The following SLC25A13 variants were observed in gnomAD, a reference collection of about 807,000 sequenced individuals.
SLC25A13 encodes the protein electrogenic aspartate/glutamate antiporter SLC25A13, mitochondrial.
In SLC25A13, 70 loss-of-function variants were observed where a neutral mutation model predicts 85.5. That is an observed-to-expected ratio of 0.82 (90% CI 0.68 to 1.00). SLC25A13 has a LOEUF of 1.00. SLC25A13 is among the 50% of genes least tolerant of loss of function. SLC25A13 has a pLI of 0.00. For missense variants in SLC25A13, 765 were observed against 819.8 expected, an observed-to-expected ratio of 0.93 and a Z score of 0.82; for synonymous variants, 259 against 288.7, an observed-to-expected ratio of 0.90 and a Z score of 1.04.
Position 96,184,348 on chromosome 7 carries a change from A to C in SLC25A13, c.1106T>G (p.Leu369Arg). The change falls in exon 11 of 18, where the codon CTC becomes CGC. Residue 369 changes from leucine (L) to arginine (R), a missense_variant. Coordinates refer to ENST00000265631, the MANE Select transcript of SLC25A13 (RefSeq NM_014251.3). ...ACAGTCAAAGCTGTTTTTATACATG[A>C]GTTCTCCCACAAAAGAGCCAGTTGA... is the stretch of plus-strand genomic sequence containing the variant. The part of the protein sequence containing the change: ...QRSTGSFVGE[L>R]MYKNSFDCFK... 6.2e-7 allele frequency: 1 copy of C among 1,614,176 alleles called. No individual in the cohort carries two copies. Among genetic ancestry groups the C allele is most frequent in the Non-Finnish European group, 8.5e-7 (1 of 1,180,026 alleles).
chr7:96,150,618 C>T (rs1227880769), intron 13 of SLC25A13, among the ~76,000 whole-genome samples: 1 of 151,916 alleles, frequency 6.6e-6, no homozygotes, highest in African/African-American at 2.4e-5. Flanking sequence ...GACGTAATCC[C>T]ATCCAACTGG....
At chr7:96,254,026 T>C (rs1373213322) in intron 3 of SLC25A13, among the ~76,000 whole-genome samples, 1 of 152,192 alleles carries the variant, frequency 6.6e-6, no homozygotes, top group Non-Finnish European at 1.5e-5. Context: ...TGTATGTGTG[T>C]GTGCGCATGT....
At chr7:96,184,716 T>G (rs970793771) in intron 10 of SLC25A13, 1 of 635,550 alleles carries the variant, frequency 1.6e-6, no homozygotes, top group East Asian at 2.7e-5. Flanking sequence ...GATCTGTAGA[T>G]AGAGGAAAAT....
intron 5 of SLC25A13, among the ~76,000 whole-genome samples, chr7:96,208,157 TA>T (rs1385754885): frequency 6.6e-6 from 1 of 152,132 alleles, no homozygotes; most frequent in Non-Finnish European, 1.5e-5. Flanking sequence ...GAAAACAAAA[TA>T]TTGGTAAGTA....
At chr7:96,145,999 T>C (rs193045690) in intron 14 of SLC25A13, among the ~76,000 whole-genome samples, 317 of 152,320 alleles carry the variant, frequency 2.1e-3, no homozygotes, top group Middle Eastern at 6.8e-3. Context: ...TAGGTTGGCA[T>C]ATAGGCAGAC....
rs544519206 is a variant in SLC25A13 at position 96,303,790 on chromosome 7, T to C, written c.16-6839A>G. 3.0e-4 allele frequency among the ~76,000 whole-genome samples: 45 copies of C among 152,050 alleles called. 1 individual carries two copies. Among genetic ancestry groups the C allele is most frequent in the African/African-American group, 1.0e-3 (42 of 41,458 alleles). ...AACACTCTCCACTTGGCAGGCAGCA[T>C]TGTGACTGCACAGGAGGTCACTGCT... On this transcript the variant is annotated intron_variant, in intron 1 of 17. Transcript: ENST00000265631.
chr7:96,219,772 T>C (rs1796037936), intron 4 of SLC25A13: 1 of 533,266 alleles, frequency 1.9e-6, no homozygotes, highest in Admixed American at 1.9e-5. Context: ...TCCTCCTCTA[T>C]AATCTGACAG....
chr7:96,202,194 C>T (rs759994387), intron 5 of SLC25A13, among the ~76,000 whole-genome samples: 2 of 152,134 alleles, frequency 1.3e-5, no homozygotes, highest in Admixed American at 6.5e-5. Flanking sequence ...TCACGGGACT[C>T]GTGATCTGAG....
At chr7:96,226,623 T>C (rs901504870) in intron 4 of SLC25A13, among the ~76,000 whole-genome samples, 2 of 151,682 alleles carry the variant, frequency 1.3e-5, no homozygotes, top group African/African-American at 4.8e-5. Flanking sequence ...TTATAGAAAA[T>C]GTTTGCCACC....
At chr7:96,201,950 G>C (rs960714189) in intron 5 of SLC25A13, among the ~76,000 whole-genome samples, 1 of 152,158 alleles carries the variant, frequency 6.6e-6, no homozygotes, top group Non-Finnish European at 1.5e-5. Context: ...CTGGCTTGTA[G>C]AGGGACATTG....
At chr7:96,183,335 C>A (rs551737261) in intron 11 of SLC25A13, among the ~76,000 whole-genome samples, 10 of 152,190 alleles carry the variant, frequency 6.6e-5, no homozygotes, top group Non-Finnish European at 1.2e-4. Context: ...AGACTAGAGT[C>A]AGCAGATGGC....
intron 14 of SLC25A13, among the ~76,000 whole-genome samples, chr7:96,144,560 T>C (rs571866086): frequency 8.5e-5 from 13 of 152,326 alleles, no homozygotes; most frequent in African/African-American, 2.9e-4. Context: ...TAACTTCATA[T>C]GGGAGAGTTC....
chr7:96,288,766 C>T (rs2116973044), intron 2 of SLC25A13, among the ~76,000 whole-genome samples: 1 of 152,280 alleles, frequency 6.6e-6, no homozygotes, highest in Non-Finnish European at 1.5e-5. Context: ...AACAAAGCGG[C>T]CTGGAAGCTC....
At chr7:96,313,583 T>C (rs1343507189) in intron 1 of SLC25A13, among the ~76,000 whole-genome samples, 1 of 151,970 alleles carries the variant, frequency 6.6e-6, no homozygotes, top group African/African-American at 2.4e-5. Flanking sequence ...GACATAAAGA[T>C]GGCAACAATA....
chr7:96,201,130 G>A (rs1795240072), intron 5 of SLC25A13, among the ~76,000 whole-genome samples: 1 of 152,094 alleles, frequency 6.6e-6, no homozygotes, highest in Admixed American at 6.5e-5. Flanking sequence ...CTACATCACA[G>A]ACCCCACCTG....
chr7:96,121,166 C>A lies in SLC25A13; in HGVS notation c.*25G>T, dbSNP rs369129587. The A allele has an allele frequency of 6.2e-7, 1 of 1,612,872 alleles. No homozygotes were observed. The highest frequency in any genetic ancestry group is 1.3e-5 in the African/African-American group (1 of 74,892). ...CTTTACTGCAGTACCCACAAAAAGA[C>A]AGCACTATCCCAGGGCTGATCTTCC... On this transcript the variant is annotated 3_prime_UTR_variant, in exon 18 of 18. Transcript: ENST00000265631.
intron 11 of SLC25A13, among the ~76,000 whole-genome samples, chr7:96,172,252 C>T (rs922437164): frequency 1.3e-5 from 2 of 152,098 alleles, no homozygotes; most frequent in African/African-American, 4.8e-5. Flanking sequence ...CATAATCTGA[C>T]CTCCTTGTAA....
At chr7:96,206,721 A>C (rs1417118836) in intron 5 of SLC25A13, among the ~76,000 whole-genome samples, 1 of 152,184 alleles carries the variant, frequency 6.6e-6, no homozygotes, top group African/African-American at 2.4e-5. Flanking sequence ...TACCATTATA[A>C]GTCAAATTTA....
chr7:96,180,415 C>A (rs1794377648), intron 11 of SLC25A13, among the ~76,000 whole-genome samples: 1 of 152,114 alleles, frequency 6.6e-6, no homozygotes, highest in Admixed American at 6.5e-5. Context: ...AATCTCAGAT[C>A]ACTGCATCCT....
Sources: allele counts gnomAD v4.1 joint callset (sites outside exome capture counted in the v4.1 genomes callset), GRCh38; gene constraint gnomAD v4.1.1; transcripts MANE v1.5; gene names NCBI Gene and HGNC (gene_info 2026-07-23, HGNC 2026-07-21).